The following GPBP1 variants were observed in gnomAD, a reference collection of about 807,000 sequenced individuals.
GPBP1 encodes vasculin.
GPBP1 carries 13 observed loss-of-function variants against 56.5 expected under a neutral mutation model. The observed-to-expected ratio is 0.23, with a 90% CI of 0.15 to 0.37. The LOEUF (loss-of-function observed/expected upper bound fraction) is 0.37. Among genes scored for constraint, GPBP1 ranks in the 10% least tolerant of loss-of-function variants. GPBP1 has a pLI of 1.00. For synonymous variants in GPBP1, 204 were observed against 188.9 expected, an observed-to-expected ratio of 1.08 and a Z score of -0.66; for missense variants, 477 against 572.3, an observed-to-expected ratio of 0.83 and a Z score of 1.70.
chr5:57,243,508 C>T (rs1431472606), intron 6 of GPBP1, among the ~76,000 whole-genome samples: 3 of 152,002 alleles, frequency 2.0e-5, no homozygotes, highest in Non-Finnish European at 4.4e-5. Context: ...CACTTTCCTT[C>T]TTTATAGAAT....
intron 9 of GPBP1, among the ~76,000 whole-genome samples, chr5:57,250,465 G>A (rs562583139): frequency 6.6e-6 from 1 of 151,620 alleles, no homozygotes; most frequent in East Asian, 1.9e-4. Context: ...AATACTTAGG[G>A]TAAGAAAGCT....
At chr5:57,253,751 C>T (rs940542495) in intron 10 of GPBP1, among the ~76,000 whole-genome samples, 2 of 151,682 alleles carry the variant, frequency 1.3e-5, no homozygotes, top group African/African-American at 4.9e-5. Flanking sequence ...TTTCTCCTGC[C>T]AAGGGTTATG....
chr5:57,261,521 G>A (rs1741891887), intron 11 of GPBP1, among the ~76,000 whole-genome samples: 1 of 152,144 alleles, frequency 6.6e-6, no homozygotes, highest in African/African-American at 2.4e-5. Context: ...ACTACAGGCA[G>A]GAACCACTGC....
At chr5:57,245,081 A>G (rs1025118513) in intron 6 of GPBP1, among the ~76,000 whole-genome samples, 3 of 152,084 alleles carry the variant, frequency 2.0e-5, no homozygotes, top group Non-Finnish European at 4.4e-5. Flanking sequence ...TTGTTGTGTA[A>G]TATCAGAAAA....
chr5:57,177,941 A>G (rs1753866715), intron 2 of GPBP1, among the ~76,000 whole-genome samples: 1 of 152,068 alleles, frequency 6.6e-6, no homozygotes, highest in Admixed American at 6.6e-5. Flanking sequence ...TAAATGTAAA[A>G]TAGAGTTTTT....
Position 57,247,080 on chromosome 5 carries a change from A to G in GPBP1, c.669A>G (p.Thr223=), listed in dbSNP as rs868614470. 6.2e-7 allele frequency: 1 copy of G among 1,612,694 alleles called. No homozygotes were observed. The highest frequency in any genetic ancestry group is 8.5e-7 in the Non-Finnish European group (1 of 1,179,478). ...PKPAAPPTKP[T]QWKSQTKENK... is the part of the protein sequence containing the mutation. ...GTTTGTGTGTTTTTCTTTAGCCTAC[A>G]CAATGGAAAAGCCAAACAAAAGAAA... The change falls in exon 8 of 12, where the codon ACA becomes ACG. Residue 223 remains threonine, a synonymous_variant. Coordinates refer to ENST00000506184, the MANE Select transcript of GPBP1 (RefSeq NM_022913.4).
chr5:57,220,808 A>G (rs1378165210), intron 3 of GPBP1, among the ~76,000 whole-genome samples: 1 of 151,422 alleles, frequency 6.6e-6, no homozygotes, highest in Non-Finnish European at 1.5e-5. Context: ...TCTTTGCCCA[A>G]AGTGGTTTTG....
chr5:57,224,261 TGAGACAAAGTTTCTC>T (rs1756081606), intron 3 of GPBP1, among the ~76,000 whole-genome samples: 1 of 151,120 alleles, frequency 6.6e-6, no homozygotes. Context: ...TTTTTTTTTT[TGAGACAAAGTTTCTC>T]TTGTTGCCCA....
At chr5:57,227,606 TTATA>T (rs933584008) in intron 3 of GPBP1, among the ~76,000 whole-genome samples, 2 of 152,206 alleles carry the variant, frequency 1.3e-5, no homozygotes, top group Non-Finnish European at 2.9e-5. Flanking sequence ...ACCAAGCTCT[TTATA>T]TATGTGGTTG....
At chr5:57,195,890 C>T (rs557377308) in intron 2 of GPBP1, among the ~76,000 whole-genome samples, 1 of 143,350 alleles carries the variant, frequency 7.0e-6, no homozygotes, top group East Asian at 2.1e-4. Context: ...GTAGTCCCAG[C>T]TACTCTGGAG....
At chr5:57,205,692 G>A (rs774554153) in intron 2 of GPBP1, among the ~76,000 whole-genome samples, 3 of 150,834 alleles carry the variant, frequency 2.0e-5, no homozygotes, top group African/African-American at 7.3e-5. Flanking sequence ...TATTTTATGT[G>A]GTTATTGGCC....
At chr5:57,190,816 C>A (rs1455128155) in intron 2 of GPBP1, among the ~76,000 whole-genome samples, 6 of 148,382 alleles carry the variant, frequency 4.0e-5, no homozygotes, top group African/African-American at 1.5e-4. Context: ...AAGCAATCTT[C>A]CGGCCTCAGC....
chr5:57,175,387 G>A lies in GPBP1; in HGVS notation c.-1010-61G>A, dbSNP rs180705152. ...CCAGAGGTTGACTTTTTAAGTTGGG[G>A]ATTGATTTTTTTAGCTCAAAATCAA... On this transcript the variant is annotated intron_variant, in intron 1 of 11. Coordinates refer to ENST00000506184, the MANE Select transcript of GPBP1 (RefSeq NM_022913.4). 1.5e-5 allele frequency: 6 copies of A among 397,316 alleles called. No individual in the cohort carries two copies. In the Admixed American group the frequency reaches 2.2e-4, roughly 15 times the overall value. The allele number at this position is 397,316 out of a possible 1,614,324, so 24.6% of individuals were successfully genotyped here.
intron 8 of GPBP1, 122 bp downstream of exon 8, chr5:57,247,337 C>T: frequency 3.6e-6 from 3 of 824,334 alleles, no homozygotes; most frequent in Non-Finnish European, 5.3e-6. Flanking sequence ...CTTCAGAAAA[C>T]TGGATTCATT....
intron 3 of GPBP1, chr5:57,230,622 T>C (rs1298194036): frequency 6.0e-6 from 3 of 499,950 alleles, no homozygotes; most frequent in African/African-American, 3.9e-5. Flanking sequence ...GAAAAAAAGA[T>C]GTCGAACTCT....
intron 2 of GPBP1, among the ~76,000 whole-genome samples, chr5:57,188,430 G>A (rs1488778182): frequency 1.3e-5 from 2 of 152,096 alleles, no homozygotes; most frequent in African/African-American, 2.4e-5. Context: ...TTCTCTACCT[G>A]TAAAATTTAA....
intron 8 of GPBP1, among the ~76,000 whole-genome samples, chr5:57,247,479 AG>A (rs1741147574): frequency 6.6e-6 from 1 of 152,162 alleles, no homozygotes; most frequent in Non-Finnish European, 1.5e-5. Flanking sequence ...ACTTGAGCCC[AG>A]GAATTTCAGA....
intron 2 of GPBP1, among the ~76,000 whole-genome samples, chr5:57,189,944 A>G (rs113416742): frequency 1.5e-3 from 223 of 152,316 alleles, no homozygotes; most frequent in African/African-American, 4.9e-3. Context: ...CATTTTGTGT[A>G]AAGTGGGCCA....
chr5:57,194,501 TCAAG>T (rs539337567), intron 2 of GPBP1, among the ~76,000 whole-genome samples: 12 of 152,332 alleles, frequency 7.9e-5, no homozygotes, highest in Admixed American at 7.8e-4. Flanking sequence ...GAATATCACT[TCAAG>T]CATTCATAAT....
Sources: allele counts gnomAD v4.1 joint callset (sites outside exome capture counted in the v4.1 genomes callset), GRCh38; gene constraint gnomAD v4.1.1; transcripts MANE v1.5; gene names NCBI Gene and HGNC (gene_info 2026-07-23, HGNC 2026-07-21).